Variants in CDH13 observed in about 807,000 individuals in gnomAD.
CDH13 encodes the protein cadherin 13, also known as cadherin-13.
A neutral mutation model predicts 63.8 loss-of-function variants in CDH13; 24 were observed. The ratio of observed to expected loss-of-function variants is 0.38; its 90% CI spans 0.27 to 0.53. The LOEUF (loss-of-function observed/expected upper bound fraction) is 0.53. Ranked by LOEUF, CDH13 falls within the 20% of genes least tolerant of loss-of-function variation. CDH13 has a pLI of 0.85. For synonymous variants in CDH13, 503 were observed against 355.3 expected (o/e 1.42, Z -4.67); for missense variants, 1,049 against 903.1 (o/e 1.16, Z -2.07).
At chr16:82,651,222 T>C (rs1910684749) in intron 1 of CDH13, among the ~76,000 whole-genome samples, 1 of 152,236 alleles carries the variant, frequency 6.6e-6, no homozygotes, top group African/African-American at 2.4e-5. Context: ...ATAACTTTTA[T>C]TGAGCACTGT....
chr16:82,719,074 G>A (rs957151120), intron 1 of CDH13, among the ~76,000 whole-genome samples: 6 of 152,176 alleles, frequency 3.9e-5, no homozygotes, highest in African/African-American at 1.2e-4. Context: ...GTGGTTATGA[G>A]CCTTAAATCA....
intron 8 of CDH13, among the ~76,000 whole-genome samples, chr16:83,652,770 C>G (rs150720712): frequency 1.1e-4 from 16 of 152,198 alleles, no homozygotes; most frequent in Middle Eastern, 3.4e-3. Flanking sequence ...GCCTGGAGTC[C>G]CCATATGACC....
At chr16:83,263,396 C>T (rs1907213606) in intron 5 of CDH13, among the ~76,000 whole-genome samples, 1 of 152,110 alleles carries the variant, frequency 6.6e-6, no homozygotes, top group African/African-American at 2.4e-5. Flanking sequence ...GAACTCAAAT[C>T]TGCCTTTTAG....
chr16:83,577,188 C>T (rs954390843), intron 7 of CDH13, among the ~76,000 whole-genome samples: 6 of 152,202 alleles, frequency 3.9e-5, no homozygotes, highest in Admixed American at 2.0e-4. Flanking sequence ...GCTGCAGACT[C>T]ACTTGTGAAT....
chr16:82,981,334 C>A (rs1910234175), intron 2 of CDH13, among the ~76,000 whole-genome samples: 1 of 152,084 alleles, frequency 6.6e-6, no homozygotes, highest in Admixed American at 6.5e-5. Flanking sequence ...TCACACACTG[C>A]AGTCCAATTT....
Position 83,625,315 on chromosome 16 carries a change from C to G in CDH13, c.1101+22721C>G, listed in dbSNP as rs138051037. 3.3e-5 allele frequency among the ~76,000 whole-genome samples: 5 copies of G among 152,252 alleles called. No homozygotes were observed. In the East Asian group the frequency reaches 7.7e-4, roughly 24 times the overall value. On this transcript the variant is annotated intron_variant, in intron 8 of 13. Coordinates refer to ENST00000567109, the MANE Select transcript of CDH13 (RefSeq NM_001257.5). ...GGTCTCAGGCCATGCTTAATTCTTC[C>G]ACGCTGGTTTATTGGTTCCTGTGTT...
chr16:83,423,500 A>G (rs1204261384), intron 6 of CDH13, among the ~76,000 whole-genome samples: 1 of 152,094 alleles, frequency 6.6e-6, no homozygotes, highest in Non-Finnish European at 1.5e-5. Flanking sequence ...ATTTAAAAAA[A>G]AAAAGCAAGC....
Position 83,391,074 on chromosome 16 carries a change from G to GC in CDH13, c.781+46071dup, listed in dbSNP as rs2091776311. On this transcript the variant is annotated intron_variant, in intron 6 of 13. Transcript: ENST00000567109. ...GAACAAATGGGTTCCAATGACTCAG[G>GC]CCCGAGTGACCTCTGCTGCCTCTAA... is the stretch of plus-strand genomic sequence containing the variant. 1.3e-5 allele frequency among the ~76,000 whole-genome samples: 2 copies of GC among 152,134 alleles called. 1 individual carries two copies. Among genetic ancestry groups the GC allele is most frequent in the South Asian group, 4.1e-4 (2 of 4,830 alleles).
intron 5 of CDH13, among the ~76,000 whole-genome samples, chr16:83,304,387 G>T (rs1053986450): frequency 4.6e-5 from 7 of 152,220 alleles, no homozygotes; most frequent in African/African-American, 7.2e-5. Flanking sequence ...CCATATAGCT[G>T]GTTAAGTGGG....
chr16:83,369,505 A>G (rs1294594617), intron 6 of CDH13, among the ~76,000 whole-genome samples: 10 of 152,104 alleles, frequency 6.6e-5, no homozygotes, highest in Non-Finnish European at 1.3e-4. Flanking sequence ...TGCAGCATCT[A>G]GCTCCAAGGC....
chr16:83,528,510 C>G (rs1367177652), intron 7 of CDH13, among the ~76,000 whole-genome samples: 1 of 152,114 alleles, frequency 6.6e-6, no homozygotes, highest in East Asian at 1.9e-4. Context: ...ATAGTAGTCC[C>G]TAGTGGGGTC....
At chr16:82,793,208 G>C (rs536595175) in intron 1 of CDH13, among the ~76,000 whole-genome samples, 1 of 152,236 alleles carries the variant, frequency 6.6e-6, no homozygotes, top group East Asian at 1.9e-4. Context: ...TGTTAGTAAT[G>C]AGCATTTGCA....
intron 7 of CDH13, among the ~76,000 whole-genome samples, chr16:83,560,350 G>T (rs1598289922): frequency 6.6e-6 from 1 of 152,180 alleles, no homozygotes; most frequent in South Asian, 2.1e-4. Context: ...CTTTAAAAAG[G>T]AGAAAATCCT....
At chr16:83,750,594 T>C (rs562629963) in intron 11 of CDH13, among the ~76,000 whole-genome samples, 4 of 152,238 alleles carry the variant, frequency 2.6e-5, no homozygotes, top group East Asian at 1.9e-4. Context: ...TCCAATATGA[T>C]TGATGTCTTC....
chr16:83,273,533 T>C (rs559671979), intron 5 of CDH13, among the ~76,000 whole-genome samples: 3 of 152,236 alleles, frequency 2.0e-5, no homozygotes, highest in East Asian at 3.9e-4. Flanking sequence ...TGGAATACTA[T>C]GAAGCCACAA....
intron 2 of CDH13, among the ~76,000 whole-genome samples, chr16:82,891,714 G>A (rs1027062554): frequency 1.3e-5 from 2 of 152,132 alleles, no homozygotes; most frequent in South Asian, 2.1e-4. Flanking sequence ...ACTTACTGTC[G>A]TGGTTCTCAC....
At chr16:82,996,476 C>A (rs1022416006) in intron 2 of CDH13, among the ~76,000 whole-genome samples, 2 of 152,138 alleles carry the variant, frequency 1.3e-5, no homozygotes, top group African/African-American at 2.4e-5. Context: ...CCGGGCTAGT[C>A]TCCATGTTCA....
chr16:83,032,547 A>G (rs1916461750), intron 3 of CDH13, among the ~76,000 whole-genome samples: 1 of 152,062 alleles, frequency 6.6e-6, no homozygotes, highest in Non-Finnish European at 1.5e-5. Context: ...ATGTATTGAG[A>G]CAGTCACATC....
intron 3 of CDH13, among the ~76,000 whole-genome samples, chr16:83,035,455 T>C (rs1916763958): frequency 6.6e-6 from 1 of 152,168 alleles, no homozygotes; most frequent in Non-Finnish European, 1.5e-5. Flanking sequence ...GTAACCTCCT[T>C]AGCAACTGGA....
Sources: allele counts gnomAD v4.1 joint callset (sites outside exome capture counted in the v4.1 genomes callset), GRCh38; gene constraint gnomAD v4.1.1; transcripts MANE v1.5; gene names NCBI Gene and HGNC (gene_info 2026-07-23, HGNC 2026-07-21).